The following ADAMTS19 variants were observed in gnomAD, a reference collection of about 807,000 sequenced individuals.
ADAMTS19 encodes A disintegrin and metalloproteinase with thrombospondin motifs 19.
Under a neutral mutation model 153.3 loss-of-function variants are expected in ADAMTS19, and 93 were observed. The observed-to-expected ratio is 0.61, with a 90% CI of 0.51 to 0.72. The LOEUF is 0.72. Among genes scored for constraint, ADAMTS19 ranks in the 30% least tolerant of loss-of-function variants. The probability of loss-of-function intolerance (pLI) is 0.00; values close to 1 mark genes in which losing one functional copy is unlikely to be tolerated. For synonymous variants in ADAMTS19, 600 were observed against 556.6 expected, an observed-to-expected ratio of 1.08 and a Z score of -1.10; for missense variants, 1,482 against 1,552.1, an observed-to-expected ratio of 0.95 and a Z score of 0.76.
intron 21 of ADAMTS19, among the ~76,000 whole-genome samples, chr5:129,705,597 C>T (rs1481086265): frequency 1.3e-5 from 2 of 152,208 alleles, no homozygotes; most frequent in African/African-American, 2.4e-5. Flanking sequence ...TCCCTAACTA[C>T]AGCAGTGAGA....
At chr5:129,642,455 C>T (rs979887923) in intron 11 of ADAMTS19, among the ~76,000 whole-genome samples, 1 of 152,032 alleles carries the variant, frequency 6.6e-6, no homozygotes, top group Non-Finnish European at 1.5e-5. Flanking sequence ...GTTTAATGTA[C>T]TTCATAAGGC....
intron 8 of ADAMTS19, among the ~76,000 whole-genome samples, chr5:129,609,808 G>A (rs1354179557): frequency 2.0e-5 from 3 of 152,118 alleles, no homozygotes; most frequent in African/African-American, 4.8e-5. Flanking sequence ...CTTTCTGTTT[G>A]CAATTCTCTG....
At chr5:129,578,092 ACATACATATACATAT>A in intron 7 of ADAMTS19, among the ~76,000 whole-genome samples, 1 of 42,064 alleles carries the variant, frequency 2.4e-5, no homozygotes, top group East Asian at 8.5e-4. Context: ...ATATACATAT[ACATACATATACATAT>A]GCATGTATAT....
intron 19 of ADAMTS19, among the ~76,000 whole-genome samples, chr5:129,696,207 C>T (rs1312093085): frequency 6.6e-6 from 1 of 152,072 alleles, no homozygotes; most frequent in African/African-American, 2.4e-5. Context: ...CACCTGAGAT[C>T]GGAAGTTTGA....
At chr5:129,708,456 A>G (rs981299842) in intron 21 of ADAMTS19, among the ~76,000 whole-genome samples, 3 of 151,966 alleles carry the variant, frequency 2.0e-5, no homozygotes, top group Non-Finnish European at 2.9e-5. Context: ...AGTATGGAAC[A>G]CTGACTTGAA....
intron 2 of ADAMTS19, among the ~76,000 whole-genome samples, chr5:129,473,718 A>G (rs972454429): frequency 2.0e-5 from 3 of 152,068 alleles, no homozygotes; most frequent in Non-Finnish European, 2.9e-5. Context: ...ATTTAGTAAT[A>G]TTTTAAAATA....
intron 6 of ADAMTS19, among the ~76,000 whole-genome samples, chr5:129,537,882 C>G (rs1752509504): frequency 6.6e-6 from 1 of 151,642 alleles, no homozygotes; most frequent in South Asian, 2.1e-4. Context: ...TGTATGCAAA[C>G]CTGCACGTTG....
At chr5:129,534,166 C>T (rs1004757500) in intron 6 of ADAMTS19, among the ~76,000 whole-genome samples, 4 of 152,008 alleles carry the variant, frequency 2.6e-5, no homozygotes, top group South Asian at 4.1e-4. Flanking sequence ...CTACCTGTCT[C>T]ATTGATCTGT....
chr5:129,591,394 G>C (rs1438943565), intron 7 of ADAMTS19, among the ~76,000 whole-genome samples: 2 of 151,568 alleles, frequency 1.3e-5, no homozygotes, highest in African/African-American at 4.9e-5. Context: ...CCAGGTTCAA[G>C]CAATTCTCCT....
intron 6 of ADAMTS19, among the ~76,000 whole-genome samples, chr5:129,548,945 A>G (rs984275884): frequency 1.4e-4 from 21 of 146,512 alleles, no homozygotes; most frequent in African/African-American, 5.0e-4. Flanking sequence ...CAAACAGCAC[A>G]TGTTCTCACT....
At chr5:129,557,100 G>A (rs189721373) in intron 7 of ADAMTS19, among the ~76,000 whole-genome samples, 111 of 152,178 alleles carry the variant, frequency 7.3e-4, no homozygotes, top group African/African-American at 2.6e-3. Flanking sequence ...TCTGTGGTTA[G>A]TTTTGAGAAC....
At chr5:129,467,652 G>A (rs6866231) in intron 2 of ADAMTS19, among the ~76,000 whole-genome samples, 27,508 of 152,038 alleles carry the variant, frequency 0.18, 3,651 homozygotes, top group African/African-American at 0.37. Context: ...GTAACTTCAG[G>A]ATTCTGAGGA....
At chr5:129,568,570 A>G (rs1207576984) in intron 7 of ADAMTS19, among the ~76,000 whole-genome samples, 1 of 152,212 alleles carries the variant, frequency 6.6e-6, no homozygotes, top group Non-Finnish European at 1.5e-5. Context: ...CTGTAAGCCC[A>G]GCATTTTGGG....
intron 10 of ADAMTS19, among the ~76,000 whole-genome samples, chr5:129,640,458 T>C (rs1228248434): frequency 6.6e-6 from 1 of 152,236 alleles, no homozygotes; most frequent in African/African-American, 2.4e-5. Flanking sequence ...ATTTGGGTCA[T>C]AAGTTGACTT....
chr5:129,698,607 G>A (rs1755678927), intron 19 of ADAMTS19, among the ~76,000 whole-genome samples: 1 of 152,098 alleles, frequency 6.6e-6, no homozygotes, highest in Non-Finnish European at 1.5e-5. Flanking sequence ...TTTTCATAAG[G>A]AATAGGAAAA....
chr5:129,646,177 C>G (rs958786468), intron 11 of ADAMTS19, among the ~76,000 whole-genome samples: 8 of 151,900 alleles, frequency 5.3e-5, no homozygotes, highest in African/African-American at 1.9e-4. Flanking sequence ...CGTGAGCCAC[C>G]GCGCCCGGCC....
intron 8 of ADAMTS19, among the ~76,000 whole-genome samples, chr5:129,601,422 AAAGT>A (rs1465428201): frequency 6.6e-5 from 10 of 152,160 alleles, no homozygotes; most frequent in African/African-American, 2.2e-4. Context: ...ACAGGTTGTT[AAAGT>A]AAGGGATTTT....
At chr5:129,585,258 CG>C (rs534296331) in intron 7 of ADAMTS19, among the ~76,000 whole-genome samples, 2,615 of 151,642 alleles carry the variant, frequency 0.017, 34 homozygotes, top group Non-Finnish European at 0.026. Context: ...TGAGATGAGC[CG>C]GGTAACTCAG....
At chr5:129,481,077 G>C (rs975450101) in intron 2 of ADAMTS19, among the ~76,000 whole-genome samples, 2 of 152,130 alleles carry the variant, frequency 1.3e-5, no homozygotes, top group Non-Finnish European at 2.9e-5. Flanking sequence ...CCCTGTATTA[G>C]TCTGTTCTCA....
Sources: gnomAD v4.1 joint callset for allele counts (sites outside exome capture counted in the v4.1 genomes callset) on GRCh38, gnomAD v4.1.1 for gene constraint, MANE v1.5 for transcripts, NCBI Gene and HGNC (gene_info 2026-07-23, HGNC 2026-07-21) for gene names.